Variants in FAM47E observed in about 807,000 individuals in gnomAD.
FAM47E encodes the protein protein FAM47E.
In FAM47E, 32 loss-of-function variants were observed where a neutral mutation model predicts 41.6. That is an observed-to-expected ratio of 0.77 (90% CI 0.58 to 1.03). The LOEUF (loss-of-function observed/expected upper bound fraction) is 1.03, where lower values mean the gene tolerates loss of function less well. FAM47E is among the 50% of genes least tolerant of loss of function. FAM47E has a pLI of 0.00. For missense variants in FAM47E, 424 were observed against 485.4 expected (o/e 0.87, Z 1.19); for synonymous variants, 184 against 188.7 (o/e 0.98, Z 0.20).
chr4:76,264,744 C>T (rs1438397018), intron 3 of FAM47E, among the ~76,000 whole-genome samples: 1 of 152,054 alleles, frequency 6.6e-6, no homozygotes, highest in Non-Finnish European at 1.5e-5. Context: ...TGTAGGTGCC[C>T]ACCACCACAC....
intron 6 of FAM47E, 32 bp downstream of exon 6, chr4:76,278,256 A>G: frequency 2.0e-6 from 3 of 1,481,564 alleles, no homozygotes; most frequent in Non-Finnish European, 2.7e-6. Flanking sequence ...TGATCATCTG[A>G]GCTTCAGATG....
At chr4:76,267,942 A>G (rs1373222666) in intron 3 of FAM47E, 2 of 152,184 alleles carry the variant, frequency 1.3e-5, no homozygotes, top group Admixed American at 1.3e-4. Flanking sequence ...GGGGTAATAA[A>G]AATGTTCTGG....
At chr4:76,276,323 G>A (rs1735105688) in intron 5 of FAM47E, among the ~76,000 whole-genome samples, 1 of 135,100 alleles carries the variant, frequency 7.4e-6, no homozygotes, top group Non-Finnish European at 1.7e-5. Context: ...GTGAAGCAGA[G>A]AAAGAAGGCA....
At chr4:76,235,272 C>T (rs576891520) in intron 2 of FAM47E, among the ~76,000 whole-genome samples, 1 of 152,048 alleles carries the variant, frequency 6.6e-6, no homozygotes, top group Non-Finnish European at 1.5e-5. Flanking sequence ...GAGCCGAGAT[C>T]GCACCGCTGC....
intron 2 of FAM47E, chr4:76,217,747 C>G (rs1354486703): frequency 2.0e-6 from 1 of 510,300 alleles, no homozygotes; most frequent in African/African-American, 1.9e-5. Context: ...GATGCTGTGG[C>G]AAGGAGATAC....
At chr4:76,226,085 C>T (rs564191527) in intron 2 of FAM47E, among the ~76,000 whole-genome samples, 11 of 145,080 alleles carry the variant, frequency 7.6e-5, no homozygotes, top group East Asian at 5.8e-4. Flanking sequence ...AACACCAGGT[C>T]GTGGTGGCTA....
chr4:76,257,698 T>G (rs984618160), intron 2 of FAM47E, among the ~76,000 whole-genome samples: 1 of 151,974 alleles, frequency 6.6e-6, no homozygotes, highest in Non-Finnish European at 1.5e-5. Context: ...ACTCCTTCAC[T>G]CCCTTTAGAT....
chr4:76,234,867 G>T (rs1464078128), intron 2 of FAM47E, among the ~76,000 whole-genome samples: 1 of 152,186 alleles, frequency 6.6e-6, no homozygotes, highest in Non-Finnish European at 1.5e-5. Context: ...GATGCAGCCA[G>T]CTAGGATTGT....
At chr4:76,252,374 T>G (rs1734007512) in intron 1 of FAM47E, among the ~76,000 whole-genome samples, 1 of 152,140 alleles carries the variant, frequency 6.6e-6, no homozygotes, top group African/African-American at 2.4e-5. Context: ...CTTTACCGAC[T>G]CCTTGACAAT....
intron 2 of FAM47E, among the ~76,000 whole-genome samples, chr4:76,244,156 G>A (rs191053644): frequency 3.0e-4 from 46 of 152,196 alleles, no homozygotes; most frequent in African/African-American, 1.1e-3. Context: ...TGGACATTTG[G>A]GTAGTTCCAA....
intron 3 of FAM47E, 173 bp from the exon 4 acceptor site, chr4:76,268,487 T>A (rs1734738337): frequency 1.7e-6 from 1 of 592,380 alleles, no homozygotes; most frequent in African/African-American, 1.9e-5. Context: ...GTCTTTATGA[T>A]ATTCGTAATG....
intron 3 of FAM47E, chr4:76,267,704 A>G (rs1381041511): frequency 2.0e-5 from 3 of 152,246 alleles, no homozygotes; most frequent in Non-Finnish European, 4.4e-5. Context: ...AGTATTGGCC[A>G]TAAAAAGGAA....
Position 76,280,282 on chromosome 4 carries a change from C to G in FAM47E, c.1045C>G (p.Leu349Val). The G allele has an allele frequency of 6.5e-7, 1 of 1,550,222 alleles. No homozygotes were observed. Residue 349 changes from leucine (L) to valine (V), a missense_variant, in exon 7 of 8, where the codon CTT becomes GTT. Transcript: ENST00000424749. ...LQEQEELLAD[L>V]HGTVAFKDFI... The stretch of plus-strand genomic sequence containing the variant: ...CTTTTAGGAGGAGTTACTTGCAGAC[C>G]TTCACGGAACAGTTGCCTTTAAGGA...
At chr4:76,256,058 C>T in intron 1 of FAM47E, 120 bp from the exon 2 acceptor site, 1 of 1,168,366 alleles carries the variant, frequency 8.6e-7, no homozygotes, top group Non-Finnish European at 1.2e-6. Flanking sequence ...TTCCCCTACC[C>T]CCAACCCTAA....
intron 5 of FAM47E, 24 bp downstream of exon 5, chr4:76,271,792 C>T (rs752328576): frequency 4.2e-5 from 64 of 1,539,208 alleles, no homozygotes; most frequent in African/African-American, 3.3e-4. Context: ...GGGACCAGAC[C>T]GAAAATCAAA....
chr4:76,217,791 T>C (rs1482511532), intron 2 of FAM47E: 1 of 407,174 alleles, frequency 2.5e-6, no homozygotes, highest in East Asian at 3.5e-5. Flanking sequence ...CAGAAGACTT[T>C]ATCTGAGAAG....
At chr4:76,239,055 C>T (rs990825116) in intron 2 of FAM47E, among the ~76,000 whole-genome samples, 1 of 152,098 alleles carries the variant, frequency 6.6e-6, no homozygotes. Flanking sequence ...CATGTTATAC[C>T]ATATATCAAA....
At position 76,271,477 on chromosome 4, in the gene FAM47E, T is replaced by G. The variant is rs998319834; in HGVS notation, c.670-91T>G. On this transcript the variant is annotated intron_variant, in intron 4 of 7. Transcript: ENST00000424749. ...ATTTTCTACCTCTCCCCAAACTACC[T>G]CTTTCCTCAGCGATGGCCCTCAGAT... 2.8e-6 allele frequency: 4 copies of G among 1,443,332 alleles called. No individual in the cohort carries two copies. The African/African-American group carries it at 5.6e-5, about 20-fold the overall frequency. The allele number at this position is 1,443,332 out of a possible 1,614,324, so 89.4% of individuals were successfully genotyped here.
exon 1 of FAM47E, chr4:76,214,061 A>G (rs1012851020): frequency 2.9e-6 from 1 of 340,810 alleles, no homozygotes; most frequent in African/African-American, 2.3e-5. Context: ...CCGCAGGCCC[A>G]GCGCTCGCCC....
Sources: allele counts gnomAD v4.1 joint callset (sites outside exome capture counted in the v4.1 genomes callset), GRCh38; gene constraint gnomAD v4.1.1; transcripts MANE v1.5; gene names NCBI Gene and HGNC (gene_info 2026-07-23, HGNC 2026-07-21).